The following POLR2F variants were observed in gnomAD, a reference collection of about 807,000 sequenced individuals.
POLR2F encodes DNA-directed RNA polymerases I, II, and III subunit RPABC2.
Under a neutral mutation model 22.7 loss-of-function variants are expected in POLR2F, and 12 were observed. The observed-to-expected ratio is 0.53, with a 90% confidence interval of 0.34 to 0.86. The LOEUF is 0.86. Among genes scored for constraint, POLR2F ranks in the 40% least tolerant of loss-of-function variants. POLR2F has a pLI of 0.02. For missense variants in POLR2F, 126 were observed against 171.5 expected (o/e 0.73, Z 1.48); for synonymous variants, 57 against 66.0 (o/e 0.86, Z 0.66).
intron 1 of POLR2F, among the ~76,000 whole-genome samples, chr22:37,954,266 G>C (rs1488590328): frequency 2.6e-5 from 4 of 152,204 alleles, no homozygotes; most frequent in African/African-American, 4.8e-5. Context: ...GCTCCACCGG[G>C]TGGCATTAAA....
intron 1 of POLR2F, chr22:37,987,416 A>C: frequency 5.1e-6 from 2 of 392,160 alleles, no homozygotes; most frequent in Non-Finnish European, 1.0e-5. Context: ...GTGACCCTTC[A>C]CCCCCCAGCT....
rs1931420144 is a variant in POLR2F, at chr22:37,956,795, G to A, written c.43G>A (p.Asp15Asn). ...EDNFDGDDFD[D>N]VEEDEGLDDL... is the part of the protein sequence containing the mutation. ...CAGTTTTGATGGCGACGACTTTGAT[G>A]ATGTGGAGGAGGATGAAGGGCTAGA... Residue 15 changes from aspartate to asparagine, a missense_variant, in exon 2 of 5, where the codon GAT becomes AAT. Physicochemically the swap from Asp to Asn is conservative, Grantham distance 23. Coordinates refer to ENST00000442738, the MANE Select transcript of POLR2F (RefSeq NM_021974.5). 6.2e-7 allele frequency: 1 copy of A among 1,613,936 alleles called. No homozygotes were observed. Among genetic ancestry groups the A allele is most frequent in the African/African-American group, 1.3e-5 (1 of 74,930 alleles).
intron 1 of POLR2F, among the ~76,000 whole-genome samples, chr22:37,998,283 C>T (rs2145795792): frequency 6.6e-6 from 1 of 152,260 alleles, no homozygotes; most frequent in East Asian, 1.9e-4. Flanking sequence ...CCTGCCCTGA[C>T]AGGTGGTGTC....
intron 3 of POLR2F, among the ~76,000 whole-genome samples, chr22:37,962,673 C>T (rs1280905771): frequency 6.6e-6 from 1 of 152,148 alleles, no homozygotes; most frequent in Non-Finnish European, 1.5e-5. Context: ...GCCAGCCACA[C>T]TTCTTTTTCT....
chr22:37,968,296 G>C lies in POLR2F; in HGVS notation c.*581G>C, dbSNP rs1931937625. 2 of 985,580 alleles carry C rather than the reference G, an allele frequency of 2.0e-6. No homozygotes were observed. Among genetic ancestry groups the C allele is most frequent in the Non-Finnish European group, 2.4e-6 (2 of 830,114 alleles). The allele number at this position is 985,580 out of a possible 1,614,324, so 61.1% of individuals were successfully genotyped here. A position where few individuals can be genotyped will look rare whatever the true frequency, so the allele number is the denominator to read the frequency against. ...GCCCTGCTGGGCAAGTCAGCAGCTG[G>C]AGCAAGGACCGAGCACCTGCCTACC... is the stretch of plus-strand genomic sequence containing the variant. On this transcript the variant is annotated 3_prime_UTR_variant, in exon 5 of 5. Coordinates refer to ENST00000442738, the MANE Select transcript of POLR2F (RefSeq NM_021974.5).
chr22:37,968,138 G>T lies in POLR2F; in HGVS notation c.*423G>T, dbSNP rs1241582126. 6.1e-6 allele frequency: 6 copies of T among 987,040 alleles called. No individual in the cohort carries two copies. In the African/African-American group the frequency reaches 7.0e-5, roughly 11 times the overall value. 61.1% of individuals were successfully genotyped at this position (987,040 alleles called of 1,614,324 possible). A position where few individuals can be genotyped will look rare whatever the true frequency, so the allele number is the denominator to read the frequency against. On this transcript the variant is annotated 3_prime_UTR_variant, in exon 5 of 5. Coordinates refer to ENST00000442738, the MANE Select transcript of POLR2F (RefSeq NM_021974.5). ...CCTTCTCAGGAGTATCACAGAGCAG[G>T]TCTCATCAAGCCACCCATTGTTTCC...
chr22:37,995,295 T>C (rs192873456), intron 1 of POLR2F, among the ~76,000 whole-genome samples: 1 of 152,210 alleles, frequency 6.6e-6, no homozygotes. Context: ...AGATGCTCAA[T>C]AAGTGCTTGC....
Position 38,036,004 on chromosome 22 carries a change from C to A in POLR2F, c.453-5064C>A, listed in dbSNP as rs139786188. On this transcript the variant is annotated intron_variant, in intron 5 of 5. Coordinates refer to the POLR2F transcript ENST00000407936. ...CTTTTTTTTTTTTTTGAGACAGAGT[C>A]TCGATCTGTTGCGCAGGCTGGAGTG... 6.6e-3 allele frequency among the ~76,000 whole-genome samples: 946 copies of A among 142,894 alleles called. 14 individuals carry two copies. Among genetic ancestry groups the A allele is most frequent in the African/African-American group, 0.024 (914 of 37,934 alleles). 93.7% of individuals were successfully genotyped at this position (142,894 alleles called of 152,430 possible).
upstream of POLR2F, chr22:37,986,045 G>T (rs1446989043): frequency 7.3e-7 from 1 of 1,377,912 alleles, no homozygotes; most frequent in Non-Finnish European, 9.4e-7. This position sits in a 1 kb window ranked among gnomAD's most constrained non-coding sequence, Gnocchi z 4.7. Context: ...TCTTCCCTGT[G>T]CCCAGACTCT....
chr22:38,008,101 G>A (rs765898022), intron 1 of POLR2F, among the ~76,000 whole-genome samples: 11 of 152,162 alleles, frequency 7.2e-5, no homozygotes, highest in Non-Finnish European at 1.5e-4. Context: ...TTAGCCGGGC[G>A]TGGTGGCACC....
chr22:37,994,373 G>C (rs2084691563), intron 1 of POLR2F, among the ~76,000 whole-genome samples: 1 of 152,104 alleles, frequency 6.6e-6, no homozygotes, highest in South Asian at 2.1e-4. Flanking sequence ...TTTGAAACAG[G>C]GTCTCACTCT....
chr22:38,003,229 G>A (rs577292221), intron 1 of POLR2F, among the ~76,000 whole-genome samples: 1 of 151,824 alleles, frequency 6.6e-6, no homozygotes, highest in Admixed American at 6.6e-5. Flanking sequence ...CCTAAGGACA[G>A]TCAGGAACCA....
intron 3 of POLR2F, among the ~76,000 whole-genome samples, chr22:37,963,972 C>T (rs142868814): frequency 0.035 from 5,306 of 151,962 alleles, 302 homozygotes; most frequent in African/African-American, 0.12. Flanking sequence ...TGTGGTGGCG[C>T]GCGCCTATAA....
intron 1 of POLR2F, chr22:38,025,681 C>T (rs1310865899): frequency 3.9e-6 from 6 of 1,548,478 alleles, no homozygotes; most frequent in East Asian, 2.3e-5. Context: ...TCCCGACAGT[C>T]CTGCTGGGTG....
intron 1 of POLR2F, among the ~76,000 whole-genome samples, chr22:37,996,181 GAGGGGATGGGGGATCTGAGCC>G (rs1447416981): frequency 6.6e-6 from 1 of 152,234 alleles, no homozygotes; most frequent in East Asian, 1.9e-4. Flanking sequence ...GGAAGAGGAG[GAGGGGATGGGGGATCTGAGCC>G]AGCTCCACCC....
At chr22:37,982,688 C>G (rs1932437661), upstream of POLR2F, among the ~76,000 whole-genome samples, 3 of 152,070 alleles carry the variant, frequency 2.0e-5, no homozygotes, top group Admixed American at 1.3e-4. Flanking sequence ...GGAAAGAGAT[C>G]AGCTTGGTGA....
Position 38,016,395 on chromosome 22 carries a change from C to T in POLR2F, c.121-9474C>T, listed in dbSNP as rs73886230. 9.5e-3 allele frequency among the ~76,000 whole-genome samples: 1,446 copies of T among 152,348 alleles called. 25 individuals carry two copies. The highest frequency in any genetic ancestry group is 0.034 in the African/African-American group (1,394 of 41,572). ...CCCTGGGATGCTCCAGGAAGTGCTGCGCTTGACACACGCCCCCATCCGCCA... is the reference window on the plus strand; with the variant it reads ...CCCTGGGATGCTCCAGGAAGTGCTGTGCTTGACACACGCCCCCATCCGCCA... On this transcript the variant is annotated intron_variant, in intron 1 of 2. Coordinates refer to the POLR2F transcript ENST00000333418. The surrounding 1 kb of genome is among the most constrained non-coding windows in gnomAD (Gnocchi z 4.4).
intron 1 of POLR2F, among the ~76,000 whole-genome samples, chr22:38,009,833 T>A (rs1390236254): frequency 6.8e-6 from 1 of 146,020 alleles, no homozygotes; most frequent in Non-Finnish European, 1.5e-5. Context: ...TTTATCCATG[T>A]TGTTGTGTGT....
chr22:37,953,842 C>G, intron 1 of POLR2F, 35 bp downstream of exon 1: 1 of 1,602,900 alleles, frequency 6.2e-7, no homozygotes, highest in Non-Finnish European at 8.5e-7. Flanking sequence ...TTGCGGCAAC[C>G]TTGGAAGGGG....
Sources: gnomAD v4.1 joint callset for allele counts (sites outside exome capture counted in the v4.1 genomes callset) on GRCh38, gnomAD v4.1.1 for gene constraint, Gnocchi (gnomAD v3.1) non-coding constraint, MANE v1.5 for transcripts, NCBI Gene and HGNC (gene_info 2026-07-23, HGNC 2026-07-21) for gene names.